Variants in OPHN1 observed in about 807,000 individuals in gnomAD.
OPHN1 encodes oligophrenin 1.
A neutral mutation model predicts 60.7 loss-of-function variants in OPHN1; 11 were observed. The observed-to-expected ratio is 0.18, with a 90% CI of 0.11 to 0.30. The LOEUF (loss-of-function observed/expected upper bound fraction) is 0.30. Among genes scored for constraint, OPHN1 ranks in the 10% least tolerant of loss-of-function variants. The pLI, the probability that OPHN1 is intolerant of heterozygous loss-of-function variation, is 1.00. For synonymous variants in OPHN1, 226 were observed against 222.6 expected (o/e 1.02, Z -0.14); for missense variants, 449 against 611.0 (o/e 0.73, Z 2.80).
chrX:68,170,687 A>G (rs1180413478), intron 15 of OPHN1, among the ~76,000 whole-genome samples: 1 of 106,008 alleles, frequency 9.4e-6, no homozygotes, highest in Non-Finnish European at 1.9e-5. Context: ...AAGAACAAAA[A>G]AACCAAACAC....
intron 15 of OPHN1, among the ~76,000 whole-genome samples, chrX:68,120,589 C>T (rs903718521): frequency 1.8e-5 from 2 of 111,617 alleles, no homozygotes; most frequent in Admixed American, 9.6e-5. Context: ...GGGTTCAATG[C>T]AATTCCTATC....
intron 5 of OPHN1, among the ~76,000 whole-genome samples, chrX:68,265,024 C>G (rs1487518950): frequency 6.2e-5 from 7 of 112,585 alleles, no homozygotes; most frequent in African/African-American, 2.3e-4. Context: ...GTAAACAAAG[C>G]AGCCGGGAAG....
intron 10 of OPHN1, among the ~76,000 whole-genome samples, chrX:68,204,853 T>C (rs1301146916): frequency 9.0e-6 from 1 of 111,483 alleles, no homozygotes; most frequent in East Asian, 2.8e-4. Flanking sequence ...TGTCTTGGAG[T>C]TTGCAATAAG....
chrX:68,402,607 A>C (rs2078721391), intron 2 of OPHN1, among the ~76,000 whole-genome samples: 1 of 111,983 alleles, frequency 8.9e-6, no homozygotes, highest in Non-Finnish European at 1.9e-5. Context: ...GTATAAAGAA[A>C]TCTTATTGCA....
rs953647831 is a variant in OPHN1, at chrX:68,216,648, A to G, written c.487-2676T>C. Among the ~76,000 whole-genome samples the G allele has an allele frequency of 2.5e-4, 28 of 111,749 alleles. 1 individual carries two copies. In the Admixed American group the frequency reaches 2.6e-3, roughly 10 times the overall value. On this transcript the variant is annotated intron_variant, in intron 6 of 24. Transcript: ENST00000355520. ...AAAAATAAATAAATGAGACTTAATT[A>G]AACTAAAATCTTTCTGCACAACAAG...
intron 5 of OPHN1, among the ~76,000 whole-genome samples, chrX:68,269,190 C>T (rs771405483): frequency 9.0e-6 from 1 of 111,659 alleles, no homozygotes; most frequent in East Asian, 2.8e-4. Context: ...TCAATGCCAT[C>T]TCCATCAAGC....
At chrX:68,353,199 G>A (rs1359275244) in intron 2 of OPHN1, among the ~76,000 whole-genome samples, 1 of 108,947 alleles carries the variant, frequency 9.2e-6, no homozygotes, top group East Asian at 2.9e-4. Context: ...CAGAACAACA[G>A]GGAGATTAAG....
At chrX:68,370,478 G>A (rs779945841) in intron 2 of OPHN1, among the ~76,000 whole-genome samples, 48 of 105,853 alleles carry the variant, frequency 4.5e-4, no homozygotes, top group Non-Finnish European at 6.6e-4. Flanking sequence ...CTGCACTCAA[G>A]CCTGGGCAAT....
intron 7 of OPHN1, among the ~76,000 whole-genome samples, chrX:68,213,660 A>G (rs1417236169): frequency 9.1e-6 from 1 of 110,349 alleles, no homozygotes; most frequent in Admixed American, 9.7e-5. Flanking sequence ...ATAGCCATAG[A>G]AAAAGAGAGA....
At chrX:68,213,487 G>GA (rs1172472451) in intron 7 of OPHN1, among the ~76,000 whole-genome samples, 2 of 111,029 alleles carry the variant, frequency 1.8e-5, no homozygotes, top group African/African-American at 6.6e-5. Context: ...GACTGCAAGA[G>GA]ACATGAGTCC....
chrX:68,384,352 A>G (rs1413656203), intron 2 of OPHN1, among the ~76,000 whole-genome samples: 1 of 111,747 alleles, frequency 8.9e-6, no homozygotes. Context: ...CCCTCTCACT[A>G]GTCAAAAAGC....
intron 15 of OPHN1, among the ~76,000 whole-genome samples, chrX:68,143,521 C>A (rs781429695): frequency 9.0e-6 from 1 of 111,533 alleles, no homozygotes; most frequent in African/African-American, 3.3e-5. Flanking sequence ...AGTGAGGAGA[C>A]AGTGACTACT....
chrX:68,175,467 T>A (rs1014796788), intron 15 of OPHN1, among the ~76,000 whole-genome samples: 1 of 110,662 alleles, frequency 9.0e-6, no homozygotes, highest in East Asian at 2.9e-4. Context: ...GAAAAAAAAA[T>A]CATTGTCTAT....
chrX:68,133,245 A>G, intron 15 of OPHN1: 1 of 666,048 alleles, frequency 1.5e-6, no homozygotes, highest in East Asian at 3.2e-5. Flanking sequence ...ATGAAGAAGG[A>G]CCAGCCCACA....
At chrX:68,344,682 C>T (rs1328004911) in intron 2 of OPHN1, among the ~76,000 whole-genome samples, 1 of 110,862 alleles carries the variant, frequency 9.0e-6, no homozygotes, top group Non-Finnish European at 1.9e-5. Context: ...CAAGATCAGC[C>T]TGGGCAACAC....
chrX:68,263,365 A>T (rs774808758), intron 5 of OPHN1, among the ~76,000 whole-genome samples: 1 of 111,450 alleles, frequency 9.0e-6, no homozygotes, highest in Admixed American at 9.6e-5. Flanking sequence ...CAACACCCCT[A>T]TCCCTCTGTT....
At chrX:68,171,734 C>T (rs1186177154) in intron 15 of OPHN1, among the ~76,000 whole-genome samples, 10 of 99,143 alleles carry the variant, frequency 1.0e-4, no homozygotes, top group Non-Finnish European at 1.8e-4. Flanking sequence ...AAAACTCTAT[C>T]TCAAAAATAA....
chrX:68,294,199 A>G (rs1207523671), intron 3 of OPHN1, among the ~76,000 whole-genome samples: 4 of 110,657 alleles, frequency 3.6e-5, no homozygotes, highest in Non-Finnish European at 7.6e-5. Context: ...GGCCGGGTGC[A>G]GTGGTTCACG....
chrX:68,299,141 T>C, intron 2 of OPHN1, 45 bp from the exon 3 acceptor site: 1 of 846,524 alleles, frequency 1.2e-6, no homozygotes, highest in Non-Finnish European at 1.7e-6. Flanking sequence ...AATGCTATGC[T>C]TTGATCTATT....
Sources: gnomAD v4.1 joint callset for allele counts (sites outside exome capture counted in the v4.1 genomes callset) on GRCh38, gnomAD v4.1.1 for gene constraint, MANE v1.5 for transcripts, NCBI Gene and HGNC (gene_info 2026-07-23, HGNC 2026-07-21) for gene names.